Variants in LDLRAD4 observed in about 807,000 individuals in gnomAD.
The protein encoded by LDLRAD4 is low-density lipoprotein receptor class A domain-containing protein 4.
Under a neutral mutation model 17.0 loss-of-function variants are expected in LDLRAD4, and 5 were observed. That is an observed-to-expected ratio of 0.29 (90% CI 0.15 to 0.62). The LOEUF is 0.62. LDLRAD4 is among the 20% of genes least tolerant of loss of function. The pLI, the probability that LDLRAD4 is intolerant of heterozygous loss-of-function variation, is 0.84. For missense variants in LDLRAD4, 340 were observed against 424.7 expected, an observed-to-expected ratio of 0.80 and a Z score of 1.75; for synonymous variants, 168 against 171.8, an observed-to-expected ratio of 0.98 and a Z score of 0.17.
chr18:13,414,177 A>C (rs1333896303), intron 2 of LDLRAD4, among the ~76,000 whole-genome samples: 1 of 152,164 alleles, frequency 6.6e-6, no homozygotes, highest in African/African-American at 2.4e-5. Context: ...TGCCTGCCTT[A>C]GCAGGCAAGA....
chr18:13,459,136 A>G (rs1301885137), intron 3 of LDLRAD4, among the ~76,000 whole-genome samples: 1 of 135,540 alleles, frequency 7.4e-6, no homozygotes, highest in Non-Finnish European at 1.6e-5. Context: ...CTTGGGCAAC[A>G]TAGTGAGACT....
At chr18:13,304,429 G>A (rs991211373) in intron 1 of LDLRAD4, among the ~76,000 whole-genome samples, 2 of 152,206 alleles carry the variant, frequency 1.3e-5, no homozygotes, top group Non-Finnish European at 2.9e-5. Context: ...TGTCAGGTCT[G>A]TATCTCTGTG....
chr18:13,519,102 G>A (rs765695990), intron 3 of LDLRAD4, among the ~76,000 whole-genome samples: 3 of 152,220 alleles, frequency 2.0e-5, no homozygotes, highest in Non-Finnish European at 4.4e-5. Context: ...AAATACTTTC[G>A]AAGTGGAAAC....
At chr18:13,436,192 T>C (rs1053083339) in intron 2 of LDLRAD4, among the ~76,000 whole-genome samples, 1 of 152,210 alleles carries the variant, frequency 6.6e-6, no homozygotes, top group Non-Finnish European at 1.5e-5. Context: ...TTTAAAATAG[T>C]TCATGTCATA....
At chr18:13,310,592 A>G (rs1424600618) in intron 1 of LDLRAD4, among the ~76,000 whole-genome samples, 1 of 152,164 alleles carries the variant, frequency 6.6e-6, no homozygotes, top group Non-Finnish European at 1.5e-5. Flanking sequence ...AGGCAGTGAC[A>G]GCTGCCTGGA....
At chr18:13,564,581 A>T (rs1248796159) in intron 3 of LDLRAD4, among the ~76,000 whole-genome samples, 4 of 37,112 alleles carry the variant, frequency 1.1e-4, no homozygotes, top group South Asian at 4.7e-4. Flanking sequence ...CCCATTTTCT[A>T]AAAAAAAAAA....
chr18:13,331,438 A>T (rs2081861468), intron 1 of LDLRAD4, among the ~76,000 whole-genome samples: 1 of 152,230 alleles, frequency 6.6e-6, no homozygotes, highest in Non-Finnish European at 1.5e-5. Context: ...AGAAAAAGAA[A>T]GAAAAAGAAA....
chr18:13,346,501 G>T (rs2082696861), intron 1 of LDLRAD4, among the ~76,000 whole-genome samples: 1 of 152,180 alleles, frequency 6.6e-6, no homozygotes, highest in Non-Finnish European at 1.5e-5. Flanking sequence ...TTCCAACTAT[G>T]TGGTCAATTT....
At chr18:13,464,802 A>G (rs2092561615) in intron 3 of LDLRAD4, among the ~76,000 whole-genome samples, 2 of 14,216 alleles carry the variant, frequency 1.4e-4, no homozygotes, top group South Asian at 2.3e-3. Context: ...CCCCCACCCC[A>G]AGGTTTTAGG....
intron 2 of LDLRAD4, among the ~76,000 whole-genome samples, chr18:13,407,425 G>A (rs1008204070): frequency 2.0e-5 from 3 of 152,212 alleles, no homozygotes; most frequent in South Asian, 2.1e-4. Flanking sequence ...TGTTAGCACC[G>A]CAGTTGGAGG....
chr18:13,418,135 C>G (rs1165538710), intron 2 of LDLRAD4, among the ~76,000 whole-genome samples: 2 of 152,178 alleles, frequency 1.3e-5, no homozygotes, highest in Admixed American at 1.3e-4. Flanking sequence ...TGAGGCCCTC[C>G]CAGGCTGGCT....
At chr18:13,650,335 T>C (rs981249776) in exon 6 of LDLRAD4, 1 of 400,910 alleles carries the variant, frequency 2.5e-6, no homozygotes, top group African/African-American at 2.1e-5. Flanking sequence ...AAGAAAGCAA[T>C]GTCTTCCTTC....
intron 1 of LDLRAD4, among the ~76,000 whole-genome samples, chr18:13,312,293 G>T (rs1673928926): frequency 6.6e-6 from 1 of 152,170 alleles, no homozygotes; most frequent in South Asian, 2.1e-4. Context: ...TGAATTTTCT[G>T]TTTAGGCTTC....
intron 3 of LDLRAD4, among the ~76,000 whole-genome samples, chr18:13,600,947 GACTT>G (rs1229901489): frequency 6.6e-6 from 1 of 152,086 alleles, no homozygotes; most frequent in African/African-American, 2.4e-5. Flanking sequence ...GAGAATAACA[GACTT>G]AATTAAGGTC....
intron 1 of LDLRAD4, among the ~76,000 whole-genome samples, chr18:13,310,997 A>G (rs2047202087): frequency 6.6e-6 from 1 of 152,146 alleles, no homozygotes; most frequent in Non-Finnish European, 1.5e-5. Context: ...ACAGAGTCTC[A>G]GCTCCCTCCT....
intron 1 of LDLRAD4, among the ~76,000 whole-genome samples, chr18:13,224,406 C>T (rs1368317547): frequency 6.6e-6 from 1 of 151,364 alleles, no homozygotes; most frequent in Non-Finnish European, 1.5e-5. Context: ...CCCCCACCAG[C>T]TGTCTCTTCA....
At chr18:13,288,653 C>T (rs989489576) in intron 1 of LDLRAD4, among the ~76,000 whole-genome samples, 33 of 148,150 alleles carry the variant, frequency 2.2e-4, no homozygotes, top group African/African-American at 8.0e-4. Context: ...AGGTGAGTCA[C>T]GGGGCCACGG....
chr18:13,447,358 C>T (rs559574620), intron 3 of LDLRAD4, among the ~76,000 whole-genome samples: 2 of 152,326 alleles, frequency 1.3e-5, no homozygotes, highest in South Asian at 2.1e-4. Flanking sequence ...CTCCCAGTCC[C>T]GCCCCTTGTG....
chr18:13,561,341 A>G (rs2094538524), intron 3 of LDLRAD4: 1 of 152,196 alleles, frequency 6.6e-6, no homozygotes, highest in Non-Finnish European at 1.5e-5. Context: ...CCTCAGTCAT[A>G]GAATTTGGGG....
Sources: allele counts gnomAD v4.1 joint callset (sites outside exome capture counted in the v4.1 genomes callset), GRCh38; gene constraint gnomAD v4.1.1; transcripts MANE v1.5; gene names NCBI Gene and HGNC (gene_info 2026-07-23, HGNC 2026-07-21).